CCDC50: variants seen among roughly 807,000 people sequenced by gnomAD.
The protein encoded by CCDC50 is coiled-coil domain containing 50, also known as coiled-coil domain-containing protein 50.
CCDC50 carries 54 observed loss-of-function variants against 70.2 expected under a neutral mutation model. That is an observed-to-expected ratio of 0.77 (90% CI 0.62 to 0.96). CCDC50 has a LOEUF of 0.96. CCDC50 is among the 50% of genes least tolerant of loss of function. The pLI is 0.00. For synonymous variants in CCDC50, 216 were observed against 198.8 expected, an observed-to-expected ratio of 1.09 and a Z score of -0.73; for missense variants, 558 against 578.7, an observed-to-expected ratio of 0.96 and a Z score of 0.37.
chr3:191,366,417 T>TA (rs751549074), intron 4 of CCDC50, among the ~76,000 whole-genome samples: 3 of 152,150 alleles, frequency 2.0e-5, no homozygotes, highest in Non-Finnish European at 4.4e-5. Flanking sequence ...AAAGGTGAGA[T>TA]ACAATGGTAA....
At chr3:191,373,803 G>A (rs1292316575) in intron 5 of CCDC50, among the ~76,000 whole-genome samples, 1 of 151,998 alleles carries the variant, frequency 6.6e-6, no homozygotes, top group Non-Finnish European at 1.5e-5. Context: ...GTCTTGGGAA[G>A]CAAGCTTTCT....
At chr3:191,387,478 A>G (rs1321208008) in intron 10 of CCDC50, among the ~76,000 whole-genome samples, 1 of 150,782 alleles carries the variant, frequency 6.6e-6, no homozygotes, top group African/African-American at 2.5e-5. Flanking sequence ...TAACAAAATA[A>G]TTTGGTGTAG....
chr3:191,329,557 GC>G lies in CCDC50; in HGVS notation c.-115del. On this transcript the variant is annotated 5_prime_UTR_variant, in exon 1 of 12. Transcript: ENST00000392455. ...ACCCGCTCCGTTCTCCGGCCTGCGAGCCCTGCCGGCCGGACTTTGCGCCGCG... is the reference window on the plus strand; with the variant it reads ...ACCCGCTCCGTTCTCCGGCCTGCGAGCCTGCCGGCCGGACTTTGCGCCGCG... The G allele has an allele frequency of 1.0e-6, 1 of 986,222 alleles. No homozygotes were observed. The highest frequency in any genetic ancestry group is 1.4e-6 in the Non-Finnish European group (1 of 690,026). 61.1% of individuals were successfully genotyped at this position (986,222 alleles called of 1,614,324 possible). A position where few individuals can be genotyped will look rare whatever the true frequency, so the allele number is the denominator to read the frequency against.
intron 11 of CCDC50, among the ~76,000 whole-genome samples, chr3:191,389,890 T>C (rs1713625116): frequency 7.4e-6 from 1 of 134,804 alleles, no homozygotes; most frequent in African/African-American, 2.9e-5. Flanking sequence ...AGTCGGAGTC[T>C]CACTGTGTTG....
chr3:191,383,400 G>A (rs1713386264), intron 10 of CCDC50, among the ~76,000 whole-genome samples: 1 of 151,306 alleles, frequency 6.6e-6, no homozygotes, highest in East Asian at 1.9e-4. Flanking sequence ...CAACATTTAA[G>A]TCTCTGGGGA....
chr3:191,390,646 A>G (rs924670635), intron 11 of CCDC50, among the ~76,000 whole-genome samples: 3 of 152,112 alleles, frequency 2.0e-5, no homozygotes, highest in African/African-American at 7.2e-5. Flanking sequence ...TTAGCATGCT[A>G]ATGCATTATA....
intron 1 of CCDC50, among the ~76,000 whole-genome samples, chr3:191,336,926 G>A (rs868347624): frequency 1.3e-5 from 2 of 152,132 alleles, no homozygotes; most frequent in African/African-American, 2.4e-5. Context: ...TGTATAGCAA[G>A]GTAGCTCAGG....
intron 4 of CCDC50, among the ~76,000 whole-genome samples, chr3:191,364,231 G>T (rs959053778): frequency 7.2e-5 from 11 of 151,938 alleles, no homozygotes; most frequent in Non-Finnish European, 1.0e-4. Flanking sequence ...ACCACGTCCG[G>T]CTCATTTTTT....
At chr3:191,355,640 C>A (rs1398143489) in intron 1 of CCDC50, among the ~76,000 whole-genome samples, 3 of 152,148 alleles carry the variant, frequency 2.0e-5, no homozygotes, top group Admixed American at 2.0e-4. Flanking sequence ...TTATCTAGCT[C>A]ATCTTGAAAC....
intron 9 of CCDC50, among the ~76,000 whole-genome samples, chr3:191,381,564 G>A (rs1219921269): frequency 1.3e-5 from 2 of 152,130 alleles, no homozygotes; most frequent in African/African-American, 4.8e-5. Context: ...ATTCATCAGT[G>A]ACAGCGCGTA....
chr3:191,381,046 A>T (rs1406752272), intron 9 of CCDC50, 114 bp downstream of exon 9: 9 of 805,414 alleles, frequency 1.1e-5, no homozygotes, highest in Admixed American at 2.5e-5. Flanking sequence ...TATATAAATT[A>T]TCTGTATTGC....
At chr3:191,334,897 G>T (rs971141480) in intron 1 of CCDC50, among the ~76,000 whole-genome samples, 1 of 152,082 alleles carries the variant, frequency 6.6e-6, no homozygotes, top group African/African-American at 2.4e-5. Flanking sequence ...ACAACTTTTA[G>T]TTTTGATTCA....
chr3:191,377,033 G>T (rs1020225296), intron 6 of CCDC50, among the ~76,000 whole-genome samples: 10 of 152,124 alleles, frequency 6.6e-5, no homozygotes, highest in Non-Finnish European at 1.2e-4. Context: ...TGACTCACAG[G>T]CTCCACTACT....
chr3:191,380,393 T>A, intron 7 of CCDC50, 119 bp downstream of exon 7: 1 of 760,866 alleles, frequency 1.3e-6, no homozygotes. Context: ...TTTTTATGAG[T>A]GGAAAAATCA....
At chr3:191,336,536 G>T (rs1463041665) in intron 1 of CCDC50, among the ~76,000 whole-genome samples, 2 of 151,754 alleles carry the variant, frequency 1.3e-5, no homozygotes, top group African/African-American at 2.4e-5. Context: ...TATTGAATTT[G>T]GGAGTTCTTT....
At position 191,332,419 on chromosome 3, in the gene CCDC50, A is replaced by T. The variant is rs377128458; in HGVS notation, c.49+2696A>T. Among the ~76,000 whole-genome samples, 44 of 152,328 alleles carry T rather than the reference A, an allele frequency of 2.9e-4. No homozygotes were observed. The East Asian group carries it at 6.6e-3, about 23-fold the overall frequency. ...AATCAAGTCAACTAAGTGTCAACAC[A>T]TCATTTTTTCTGGTTAAAAGTGTGT... On this transcript the variant is annotated intron_variant, in intron 1 of 11. Transcript: ENST00000392455.
At chr3:191,387,737 A>G (rs1228348184) in intron 10 of CCDC50, among the ~76,000 whole-genome samples, 1 of 151,018 alleles carries the variant, frequency 6.6e-6, no homozygotes, top group Non-Finnish European at 1.5e-5. Flanking sequence ...GCTTTGTTTC[A>G]TAACTTTAGC....
intron 1 of CCDC50, among the ~76,000 whole-genome samples, chr3:191,335,763 C>A (rs887603387): frequency 1.3e-5 from 2 of 152,094 alleles, no homozygotes; most frequent in Non-Finnish European, 2.9e-5. Flanking sequence ...GTGGTTCTTT[C>A]CTTTTTCTTT....
At chr3:191,385,298 C>T (rs1377510568) in intron 10 of CCDC50, among the ~76,000 whole-genome samples, 1 of 152,128 alleles carries the variant, frequency 6.6e-6, no homozygotes, top group East Asian at 1.9e-4. Flanking sequence ...AAGTGGTGTT[C>T]CCCTTTCTCT....
Sources: gnomAD v4.1 joint callset for allele counts (sites outside exome capture counted in the v4.1 genomes callset) on GRCh38, gnomAD v4.1.1 for gene constraint, MANE v1.5 for transcripts, NCBI Gene and HGNC (gene_info 2026-07-23, HGNC 2026-07-21) for gene names.